SLC39A11: variants seen among roughly 807,000 people sequenced by gnomAD.
The protein encoded by SLC39A11 is solute carrier family 39 member 11.
SLC39A11 carries 33 observed loss-of-function variants against 36.1 expected under a neutral mutation model. The ratio of observed to expected loss-of-function variants is 0.91; its 90% CI spans 0.69 to 1.22. The LOEUF (loss-of-function observed/expected upper bound fraction) is 1.22. Ranked by LOEUF, SLC39A11 falls within the 50% of genes most tolerant of loss-of-function variation. The probability of loss-of-function intolerance (pLI) is 0.00; values close to 1 mark genes in which losing one functional copy is unlikely to be tolerated. For missense variants in SLC39A11, 432 were observed against 430.3 expected (o/e 1.00, Z -0.03); for synonymous variants, 166 against 170.3 (o/e 0.97, Z 0.20).
intron 6 of SLC39A11, among the ~76,000 whole-genome samples, chr17:72,826,574 C>T (rs906894308): frequency 6.6e-6 from 1 of 152,154 alleles, no homozygotes; most frequent in Admixed American, 6.5e-5. Flanking sequence ...TAGATCCAGG[C>T]TGTTTATAAA....
At chr17:72,843,158 C>T (rs112749770) in intron 6 of SLC39A11, among the ~76,000 whole-genome samples, 1,772 of 152,162 alleles carry the variant, frequency 0.012, 29 homozygotes, top group African/African-American at 0.036. Flanking sequence ...TCATGTTGGC[C>T]AGGATGGTTT....
intron 6 of SLC39A11, among the ~76,000 whole-genome samples, chr17:72,799,777 C>A (rs78959771): frequency 1.3e-5 from 2 of 151,776 alleles, no homozygotes; most frequent in Non-Finnish European, 2.9e-5. Flanking sequence ...AATATGTGCA[C>A]CGCTGAACAC....
At chr17:72,744,800 T>C (rs2074861490) in intron 6 of SLC39A11, among the ~76,000 whole-genome samples, 1 of 152,206 alleles carries the variant, frequency 6.6e-6, no homozygotes, top group Admixed American at 6.5e-5. Context: ...AAGCCTCACT[T>C]CCTGATACCA....
chr17:72,961,047 A>G (rs566005900), intron 4 of SLC39A11, among the ~76,000 whole-genome samples: 3 of 152,134 alleles, frequency 2.0e-5, no homozygotes, highest in Non-Finnish European at 4.4e-5. Context: ...TGTGTGCACA[A>G]AAGAGCCAGC....
intron 5 of SLC39A11, among the ~76,000 whole-genome samples, chr17:72,906,766 T>C (rs1438529783): frequency 6.6e-6 from 1 of 152,230 alleles, no homozygotes; most frequent in African/African-American, 2.4e-5. Context: ...TTTCAAATGA[T>C]GCTTTCCCTG....
intron 7 of SLC39A11, among the ~76,000 whole-genome samples, chr17:72,729,712 A>C (rs1053920770): frequency 6.6e-6 from 1 of 151,360 alleles, no homozygotes; most frequent in Non-Finnish European, 1.5e-5. Context: ...ATTTGCTCAG[A>C]GTACTACCTG....
At chr17:72,932,057 C>T (rs574283289) in intron 5 of SLC39A11, among the ~76,000 whole-genome samples, 3 of 152,182 alleles carry the variant, frequency 2.0e-5, no homozygotes, top group Non-Finnish European at 4.4e-5. Flanking sequence ...CACATTTGTA[C>T]ATCCAGGCTC....
At chr17:73,016,872 T>G (rs7217198) in intron 4 of SLC39A11, among the ~76,000 whole-genome samples, 8,713 of 152,236 alleles carry the variant, frequency 0.057, 565 homozygotes, top group African/African-American at 0.15. Flanking sequence ...CAATTATGCT[T>G]ATTCCTGCCA....
chr17:72,846,380 G>GA (rs201220608), intron 6 of SLC39A11, among the ~76,000 whole-genome samples: 7,127 of 152,228 alleles, frequency 0.047, 191 homozygotes, highest in Non-Finnish European at 0.06. Context: ...AGTGACAAAG[G>GA]CTGAACTTAG....
intron 6 of SLC39A11, among the ~76,000 whole-genome samples, chr17:72,793,586 CTTTTTTTAATT>C (rs2076788738): frequency 6.6e-6 from 1 of 152,018 alleles, no homozygotes; most frequent in Admixed American, 6.6e-5. Flanking sequence ...GGAAATGCTT[CTTTTTTTAATT>C]TTTTTTTAAA....
At chr17:73,080,521 C>G (rs569298299) in intron 3 of SLC39A11, among the ~76,000 whole-genome samples, 1 of 152,046 alleles carries the variant, frequency 6.6e-6, no homozygotes, top group African/African-American at 2.4e-5. Context: ...AGACCTGAAA[C>G]CATAAAAATT....
chr17:73,085,177 C>A (rs774153506), intron 2 of SLC39A11, among the ~76,000 whole-genome samples: 1 of 152,010 alleles, frequency 6.6e-6, no homozygotes. Flanking sequence ...AATTACTGAG[C>A]GTTGGTGAGG....
At chr17:72,733,508 C>T (rs139135273) in intron 7 of SLC39A11, among the ~76,000 whole-genome samples, 1 of 152,250 alleles carries the variant, frequency 6.6e-6, no homozygotes, top group East Asian at 1.9e-4. Flanking sequence ...GCATCTGCAG[C>T]CTCCGTGGAG....
intron 6 of SLC39A11, among the ~76,000 whole-genome samples, chr17:72,755,599 C>T (rs964012007): frequency 6.6e-5 from 10 of 152,214 alleles, no homozygotes; most frequent in African/African-American, 2.4e-4. Context: ...GGCATAAATG[C>T]CAAATATAAA....
chr17:72,647,468 G>T lies in SLC39A11; in HGVS notation c.*116C>A. On this transcript the variant is annotated 3_prime_UTR_variant, in exon 10 of 10. Transcript: ENST00000255559. ...TCAGAGTCAATCAGGATAATGAGAT[G>T]AAGAAGAGAGGAAGGAAAAAAGTTT... The T allele has an allele frequency of 2.7e-6, 2 of 743,094 alleles. No individual in the cohort carries two copies. 46.0% of individuals were successfully genotyped at this position (743,094 alleles called of 1,614,324 possible). A position where few individuals can be genotyped will look rare whatever the true frequency, so the allele number is the denominator to read the frequency against.
At chr17:72,972,511 C>T (rs1018358461) in intron 4 of SLC39A11, among the ~76,000 whole-genome samples, 1 of 152,158 alleles carries the variant, frequency 6.6e-6, no homozygotes, top group South Asian at 2.1e-4. Context: ...GCAAACACAG[C>T]GAGCTCTTTA....
intron 3 of SLC39A11, among the ~76,000 whole-genome samples, chr17:73,060,490 A>G (rs1375470064): frequency 6.6e-6 from 1 of 152,170 alleles, no homozygotes; most frequent in African/African-American, 2.4e-5. Context: ...ATTATTTCAT[A>G]GTTACTTGTG....
At chr17:72,729,420 TATATATATATATATATATATATA>T (rs2074076687) in intron 7 of SLC39A11, among the ~76,000 whole-genome samples, 10 of 2,334 alleles carry the variant, frequency 4.3e-3, no homozygotes, top group African/African-American at 4.2e-3. Context: ...TATATATATA[TATATATATATATATATATATATA>T]TATATATATA....
intron 5 of SLC39A11, among the ~76,000 whole-genome samples, chr17:72,879,861 C>T (rs2081105179): frequency 6.6e-6 from 1 of 152,216 alleles, no homozygotes; most frequent in South Asian, 2.1e-4. Flanking sequence ...AGACCCCCGC[C>T]AAGGAACCGA....
Sources: gnomAD v4.1 joint callset for allele counts (sites outside exome capture counted in the v4.1 genomes callset) on GRCh38, gnomAD v4.1.1 for gene constraint, MANE v1.5 for transcripts, NCBI Gene and HGNC (gene_info 2026-07-23, HGNC 2026-07-21) for gene names.